CELF2: variants seen among roughly 807,000 people sequenced by gnomAD.
CELF2 encodes the protein CUG triplet repeat RNA-binding protein 2.
In CELF2, 8 loss-of-function variants were observed where a neutral mutation model predicts 62.6. That is an observed-to-expected ratio of 0.13 (90% CI 0.07 to 0.23). The LOEUF (loss-of-function observed/expected upper bound fraction) is 0.23. CELF2 is among the 10% of genes least tolerant of loss of function. CELF2 has a pLI of 1.00. For missense variants in CELF2, 333 were observed against 671.0 expected, an observed-to-expected ratio of 0.50 and a Z score of 5.56; for synonymous variants, 258 against 250.0, an observed-to-expected ratio of 1.03 and a Z score of -0.30.
chr10:10,574,864 C>T, the CELF2 span, among the ~76,000 whole-genome samples: 1 of 142,664 alleles, frequency 7.0e-6, no homozygotes, highest in East Asian at 2.1e-4. Flanking sequence ...TGCCCGCCAC[C>T]ATGCCTGGTT....
rs147106755 is a variant in CELF2 at position 11,039,029 on chromosome 10, G to T, written c.74+20866G>T. Among the ~76,000 whole-genome samples, 1 of 152,296 alleles carries T rather than the reference G, an allele frequency of 6.6e-6. No homozygotes were observed. The highest frequency in any genetic ancestry group is 2.4e-5 in the African/African-American group (1 of 41,570). Reference sequence around the variant, plus strand: ...AACCATCCACCACCCTAAGCCAAGTGCGCCTGAGCTTCCACAGTATCCTGG... The same window carrying T: ...AACCATCCACCACCCTAAGCCAAGTTCGCCTGAGCTTCCACAGTATCCTGG... On this transcript the variant is annotated intron_variant, in intron 1 of 12. Coordinates refer to ENST00000633077, the MANE Select transcript of CELF2 (RefSeq NM_001326342.2). This position sits in a 1 kb window ranked among gnomAD's most constrained non-coding sequence, Gnocchi z 4.1.
At chr10:10,512,045 A>G in the CELF2 span, among the ~76,000 whole-genome samples, 2 of 152,344 alleles carry the variant, frequency 1.3e-5, no homozygotes, top group East Asian at 3.9e-4. Context: ...CAAAATCAGT[A>G]TATTCCAGAA....
chr10:10,639,125 G>A, the CELF2 span, among the ~76,000 whole-genome samples: 1 of 152,166 alleles, frequency 6.6e-6, no homozygotes, highest in Non-Finnish European at 1.5e-5. Context: ...ATAATCATAA[G>A]AAAATAAAAT....
chr10:10,802,743 C>G (rs1170429926), intron 1 of CELF2, among the ~76,000 whole-genome samples: 1 of 152,216 alleles, frequency 6.6e-6, no homozygotes, highest in African/African-American at 2.4e-5. Flanking sequence ...CTCATTAGCA[C>G]TGCAAGCTGT....
At chr10:11,073,661 G>A (rs564490086) in intron 1 of CELF2, among the ~76,000 whole-genome samples, 1 of 152,310 alleles carries the variant, frequency 6.6e-6, no homozygotes, top group East Asian at 1.9e-4. Flanking sequence ...ACTGGTTAAC[G>A]GTGACCATGG....
At chr10:10,518,959 C>G in the CELF2 span, among the ~76,000 whole-genome samples, 1 of 152,200 alleles carries the variant, frequency 6.6e-6, no homozygotes, top group Non-Finnish European at 1.5e-5. Context: ...CAAAAAGAAT[C>G]AGGAAGGGAA....
the CELF2 span, among the ~76,000 whole-genome samples, chr10:10,623,854 G>A: frequency 6.6e-6 from 1 of 152,180 alleles, no homozygotes; most frequent in Non-Finnish European, 1.5e-5. Context: ...AGGTCAAGAA[G>A]TCGAGATGCA....
Position 11,246,088 on chromosome 10 carries a change from A to G in CELF2, c.355-3065A>G, listed in dbSNP as rs1400844498. Among the ~76,000 whole-genome samples, 1 of 151,974 alleles carries G rather than the reference A, an allele frequency of 6.6e-6. No homozygotes were observed. Among genetic ancestry groups the G allele is most frequent in the African/African-American group, 2.4e-5 (1 of 41,368 alleles). ...GGGGCTCTGTTTTTGCTGCTCCCGA[A>G]TTTCCACCTGCCATCATCCACGCAT... On this transcript the variant is annotated intron_variant, in intron 3 of 12. Coordinates refer to ENST00000633077, the MANE Select transcript of CELF2 (RefSeq NM_001326342.2). The surrounding 1 kb of genome is among the most constrained non-coding windows in gnomAD (Gnocchi z 4.6).
In CELF2 at chr10:11,319,999, GC is replaced by G. The variant is rs1342886078; in HGVS notation, c.1097-1188del. ...GACTTCTTACCTATTTTTTCAGTTA[GC>G]CATCCTTGCTGTTTTCATATCTCCA... On this transcript the variant is annotated intron_variant, in intron 10 of 12. Coordinates refer to ENST00000633077, the MANE Select transcript of CELF2 (RefSeq NM_001326342.2). The surrounding 1 kb of genome is among the most constrained non-coding windows in gnomAD (Gnocchi z 4.4). 5.3e-6 allele frequency: 2 copies of G among 374,974 alleles called. No individual in the cohort carries two copies. Among genetic ancestry groups the G allele is most frequent in the Non-Finnish European group, 1.1e-5 (2 of 184,992 alleles). 23.2% of individuals were successfully genotyped at this position (374,974 alleles called of 1,614,324 possible). A position where few individuals can be genotyped will look rare whatever the true frequency, so the allele number is the denominator to read the frequency against.
At chr10:10,826,336 C>T (rs112512067) in intron 1 of CELF2, among the ~76,000 whole-genome samples, 19 of 152,152 alleles carry the variant, frequency 1.2e-4, no homozygotes, top group Admixed American at 6.5e-4. Flanking sequence ...TTCAAATTCA[C>T]GTATACCACT....
At chr10:10,663,633 C>A in the CELF2 span, among the ~76,000 whole-genome samples, 3 of 152,168 alleles carry the variant, frequency 2.0e-5, no homozygotes, top group African/African-American at 7.2e-5. Context: ...CTGGAAAATA[C>A]AGGGTAAGAT....
At chr10:11,277,143 C>T (rs192968278) in intron 8 of CELF2, among the ~76,000 whole-genome samples, 2 of 152,264 alleles carry the variant, frequency 1.3e-5, no homozygotes, top group East Asian at 1.9e-4. Flanking sequence ...TTATAGGGAT[C>T]GTCAGGTCTC....
chr10:10,514,590 C>T, the CELF2 span, among the ~76,000 whole-genome samples: 5 of 152,160 alleles, frequency 3.3e-5, no homozygotes, highest in Admixed American at 6.5e-5. Context: ...CAGGAGCCTA[C>T]AGGATAAGCC....
the CELF2 span, among the ~76,000 whole-genome samples, chr10:10,468,547 T>G: frequency 2.0e-5 from 3 of 152,134 alleles, no homozygotes; most frequent in South Asian, 6.2e-4. Flanking sequence ...ACCCATTGAG[T>G]GGAAAGTTTG....
At chr10:11,323,539 G>A (rs937405497) in intron 11 of CELF2, among the ~76,000 whole-genome samples, 2 of 152,040 alleles carry the variant, frequency 1.3e-5, no homozygotes, top group African/African-American at 4.8e-5. Context: ...GACAGGAAGT[G>A]AGCCTCTGAT....
chr10:10,501,310 G>A, the CELF2 span, among the ~76,000 whole-genome samples: 4 of 152,138 alleles, frequency 2.6e-5, no homozygotes, highest in Admixed American at 2.0e-4. Context: ...GATAGGGTCT[G>A]TAATGGTAGT....
At chr10:10,816,695 T>A (rs533301872) in intron 1 of CELF2, among the ~76,000 whole-genome samples, 2 of 152,326 alleles carry the variant, frequency 1.3e-5, no homozygotes, top group East Asian at 3.9e-4. Flanking sequence ...TTAGTATTAC[T>A]CAAGCTAATC....
chr10:10,729,962 A>G, the CELF2 span, among the ~76,000 whole-genome samples: 1 of 152,236 alleles, frequency 6.6e-6, no homozygotes, highest in African/African-American at 2.4e-5. Context: ...AGTGAGTATC[A>G]GGAATAACTG....
At chr10:10,873,393 A>G (rs1373323525) in intron 1 of CELF2, among the ~76,000 whole-genome samples, 1 of 152,214 alleles carries the variant, frequency 6.6e-6, no homozygotes, top group Non-Finnish European at 1.5e-5. Context: ...GGGTAACAGT[A>G]TTAGTGATAA....
Sources: gnomAD v4.1 joint callset for allele counts (sites outside exome capture counted in the v4.1 genomes callset) on GRCh38, gnomAD v4.1.1 for gene constraint, Gnocchi (gnomAD v3.1) non-coding constraint, MANE v1.5 for transcripts, NCBI Gene and HGNC (gene_info 2026-07-23, HGNC 2026-07-21) for gene names.